The following SUCLG2 variants were observed in gnomAD, a reference collection of about 807,000 sequenced individuals.
The protein encoded by SUCLG2 is succinate--CoA ligase [GDP-forming] subunit beta, mitochondrial.
In SUCLG2, 42 loss-of-function variants were observed where a neutral mutation model predicts 47.9. The ratio of observed to expected loss-of-function variants is 0.88; its 90% confidence interval spans 0.69 to 1.14. The LOEUF is 1.14. Among genes scored for constraint, SUCLG2 ranks in the 50% most tolerant of loss-of-function variants. SUCLG2 has a pLI of 0.00. For synonymous variants in SUCLG2, 195 were observed against 197.3 expected, an observed-to-expected ratio of 0.99 and a Z score of 0.10; for missense variants, 571 against 525.9, an observed-to-expected ratio of 1.09 and a Z score of -0.84.
At chr3:67,397,967 A>C (rs2106807164) in intron 10 of SUCLG2, among the ~76,000 whole-genome samples, 1 of 150,770 alleles carries the variant, frequency 6.6e-6, no homozygotes, top group Admixed American at 6.6e-5. Flanking sequence ...GGCTAGCCAT[A>C]TGTAGAAAGC....
At chr3:67,482,056 T>C (rs183063460) in intron 9 of SUCLG2, among the ~76,000 whole-genome samples, 1 of 152,306 alleles carries the variant, frequency 6.6e-6, no homozygotes, top group Non-Finnish European at 1.5e-5. Flanking sequence ...GGCACTCTCC[T>C]GTAGTCCCAG....
chr3:67,523,874 T>A (rs1217052377), intron 4 of SUCLG2, among the ~76,000 whole-genome samples: 2 of 152,212 alleles, frequency 1.3e-5, no homozygotes, highest in East Asian at 3.9e-4. Flanking sequence ...TATAACTTTT[T>A]AGGATAAGTG....
In SUCLG2 at chr3:67,502,849, T is replaced by G. The variant is rs549683926; in HGVS notation, c.758-4554A>C. On this transcript the variant is annotated intron_variant, in intron 7 of 10. Coordinates refer to ENST00000307227, the MANE Select transcript of SUCLG2 (RefSeq NM_003848.4). ...TTCCCAAAGGAAGAATATTAATAGT[T>G]GGCATTTTAGGCATCATAAATAGTA... Among the ~76,000 whole-genome samples, 15 of 152,308 alleles carry G rather than the reference T, an allele frequency of 9.8e-5. No homozygotes were observed. In the South Asian group the frequency reaches 3.1e-3, roughly 32 times the overall value.
At chr3:67,447,464 A>G (rs1703953743) in intron 9 of SUCLG2, among the ~76,000 whole-genome samples, 1 of 152,140 alleles carries the variant, frequency 6.6e-6, no homozygotes, top group Admixed American at 6.5e-5. Flanking sequence ...AATCAGTACA[A>G]CTCTGATTTG....
chr3:67,494,584 C>T (rs554004776), intron 9 of SUCLG2, among the ~76,000 whole-genome samples: 2 of 152,234 alleles, frequency 1.3e-5, no homozygotes, highest in Admixed American at 6.5e-5. Context: ...TATGATAACA[C>T]CACAGCACTC....
chr3:67,557,039 C>T (rs939602277), intron 2 of SUCLG2, among the ~76,000 whole-genome samples: 8 of 152,194 alleles, frequency 5.3e-5, no homozygotes, highest in Non-Finnish European at 1.0e-4. Context: ...GACCACCTGT[C>T]GCTAGCATGA....
chr3:67,430,973 CA>C (rs1487587661), intron 9 of SUCLG2, among the ~76,000 whole-genome samples: 3 of 151,982 alleles, frequency 2.0e-5, no homozygotes, highest in Non-Finnish European at 4.4e-5. Flanking sequence ...GCCTACCAAC[CA>C]AAAAAAGTCC....
intron 2 of SUCLG2, among the ~76,000 whole-genome samples, chr3:67,544,535 C>T (rs141484500): frequency 1.5e-3 from 234 of 152,258 alleles, no homozygotes; most frequent in Non-Finnish European, 2.2e-3. Flanking sequence ...CCCAGCCACG[C>T]GGAACTGTGA....
At chr3:67,608,769 G>C (rs1868675) in intron 2 of SUCLG2, among the ~76,000 whole-genome samples, 73,903 of 151,448 alleles carry the variant, frequency 0.49, 18,945 homozygotes, top group African/African-American at 0.64. Flanking sequence ...TCTCAAACTC[G>C]TGGGCTCAAG....
intron 4 of SUCLG2, among the ~76,000 whole-genome samples, chr3:67,522,694 C>T (rs1397019963): frequency 1.4e-5 from 2 of 146,478 alleles, no homozygotes; most frequent in African/African-American, 2.5e-5. Context: ...GACAGAGTCT[C>T]GCTCTGTCGC....
chr3:67,609,692 G>T (rs1700493993), intron 1 of SUCLG2, 96 bp from the exon 2 acceptor site: 7 of 1,152,590 alleles, frequency 6.1e-6, no homozygotes, highest in African/African-American at 1.6e-5. Flanking sequence ...CTGTTGACTG[G>T]CAATCTGCAA....
intron 9 of SUCLG2, among the ~76,000 whole-genome samples, chr3:67,441,422 G>A (rs1436022580): frequency 6.6e-6 from 1 of 151,792 alleles, no homozygotes; most frequent in Non-Finnish European, 1.5e-5. Context: ...GTCTTGTCAT[G>A]TGTAGCCCTA....
chr3:67,585,966 C>CAAAAAAAAAA (rs67546250), intron 2 of SUCLG2, among the ~76,000 whole-genome samples: 3 of 59,940 alleles, frequency 5.0e-5, no homozygotes, highest in African/African-American at 1.8e-4. Context: ...GACTCCATTT[C>CAAAAAAAAAA]AAAAAAAAAA....
intron 1 of SUCLG2, among the ~76,000 whole-genome samples, chr3:67,622,293 C>G (rs1342369683): frequency 1.3e-5 from 2 of 152,064 alleles, no homozygotes; most frequent in African/African-American, 4.8e-5. Context: ...AGTATGCACA[C>G]TTAAATAGAA....
At chr3:67,524,010 G>A (rs1706190658) in intron 4 of SUCLG2, among the ~76,000 whole-genome samples, 1 of 152,178 alleles carries the variant, frequency 6.6e-6, no homozygotes, top group Non-Finnish European at 1.5e-5. Flanking sequence ...AATAATGCAT[G>A]ACTCTTTAAG....
chr3:67,463,306 T>C (rs1348328313), intron 9 of SUCLG2, among the ~76,000 whole-genome samples: 1 of 152,214 alleles, frequency 6.6e-6, no homozygotes, highest in Non-Finnish European at 1.5e-5. Flanking sequence ...AATTCCTTAT[T>C]ATTACCATTC....
At chr3:67,460,658 A>C (rs1160218977) in intron 9 of SUCLG2, among the ~76,000 whole-genome samples, 1 of 152,152 alleles carries the variant, frequency 6.6e-6, no homozygotes, top group Non-Finnish European at 1.5e-5. Context: ...AATTCACTGT[A>C]ATATTGAATC....
At chr3:67,364,434 C>T (rs1291169757) in intron 10 of SUCLG2, among the ~76,000 whole-genome samples, 1 of 151,908 alleles carries the variant, frequency 6.6e-6, no homozygotes, top group Non-Finnish European at 1.5e-5. Flanking sequence ...TCCACCCCCC[C>T]CACCCCCAAG....
At chr3:67,498,344 T>C (rs763244360) in intron 7 of SUCLG2, 49 bp from the exon 8 acceptor site, 58 of 1,587,796 alleles carry the variant, frequency 3.7e-5, no homozygotes, top group Non-Finnish European at 3.4e-5. Flanking sequence ...TGAGGATCTA[T>C]AAATTAAGTT....
Sources: gnomAD v4.1 joint callset for allele counts (sites outside exome capture counted in the v4.1 genomes callset) on GRCh38, gnomAD v4.1.1 for gene constraint, MANE v1.5 for transcripts, NCBI Gene and HGNC (gene_info 2026-07-23, HGNC 2026-07-21) for gene names.